ETV1: variants seen among roughly 807,000 people sequenced by gnomAD.
ETV1 encodes the protein ETS variant transcription factor 1.
A neutral mutation model predicts 62.3 loss-of-function variants in ETV1; 27 were observed. The observed-to-expected ratio is 0.43, with a 90% CI of 0.32 to 0.60. ETV1 has a LOEUF of 0.60. ETV1 is among the 20% of genes least tolerant of loss of function. ETV1 has a pLI of 0.06. For synonymous variants in ETV1, 222 were observed against 199.6 expected (o/e 1.11, Z -0.94); for missense variants, 605 against 605.8 (o/e 1.00, Z 0.01).
rs1781611771 is a variant in ETV1 at position 13,894,580 on chromosome 7, A to G, written c.*1286T>C. The G allele has an allele frequency of 4.3e-6, 1 of 232,484 alleles. No homozygotes were observed. Among genetic ancestry groups the G allele is most frequent in the Non-Finnish European group, 8.5e-6 (1 of 117,436 alleles). 14.4% of individuals were successfully genotyped at this position (232,484 alleles called of 1,614,324 possible). A position where few individuals can be genotyped will look rare whatever the true frequency, so the allele number is the denominator to read the frequency against. ...TTTAGCAAGCTGAAGCTTACTCTTC[A>G]TTTGTCAATGTGCATAAAAGCTGCT... On this transcript the variant is annotated 3_prime_UTR_variant, in exon 14 of 14. Coordinates refer to ENST00000430479, the MANE Select transcript of ETV1 (RefSeq NM_004956.5).
chr7:13,983,408 C>T (rs1452760441), intron 5 of ETV1, among the ~76,000 whole-genome samples: 1 of 151,954 alleles, frequency 6.6e-6, no homozygotes, highest in Non-Finnish European at 1.5e-5. Flanking sequence ...TCCATTTTAA[C>T]TATGACTTTC....
intron 9 of ETV1, among the ~76,000 whole-genome samples, chr7:13,914,262 T>C (rs1191873426): frequency 6.6e-6 from 1 of 152,130 alleles, no homozygotes; most frequent in Admixed American, 6.6e-5. Flanking sequence ...TTTTAAAAGT[T>C]TTAAATTAAA....
intron 12 of ETV1, among the ~76,000 whole-genome samples, chr7:13,902,199 A>G (rs536549845): frequency 6.6e-6 from 1 of 152,218 alleles, no homozygotes; most frequent in Admixed American, 6.5e-5. Flanking sequence ...TGTCATATAT[A>G]CTAAAATAGA....
intron 9 of ETV1, among the ~76,000 whole-genome samples, chr7:13,925,455 A>C (rs1417410673): frequency 2.0e-5 from 3 of 152,228 alleles, no homozygotes; most frequent in African/African-American, 7.2e-5. Context: ...AAACCAATAG[A>C]AAGTCATTTA....
At chr7:13,991,224 T>C (rs1583929446), upstream of ETV1, 1 of 152,282 alleles carries the variant, frequency 6.6e-6, no homozygotes, top group South Asian at 2.1e-4. Flanking sequence ...ATGGGTACTA[T>C]CTGAGGGTGC....
At chr7:13,917,288 G>GTATTTATT (rs71548060) in intron 9 of ETV1, among the ~76,000 whole-genome samples, 4,350 of 145,238 alleles carry the variant, frequency 0.03, 79 homozygotes, top group South Asian at 0.053. Flanking sequence ...GTAACTTTGA[G>GTATTTATT]TATTTATTTA....
chr7:13,944,550 G>A (rs778636159), intron 6 of ETV1, among the ~76,000 whole-genome samples: 4 of 152,030 alleles, frequency 2.6e-5, no homozygotes, highest in Non-Finnish European at 5.9e-5. Flanking sequence ...GAATTTGCTG[G>A]GGCGGGGGTG....
At position 13,895,512 on chromosome 7, in the gene ETV1, ATTATC is replaced by A; in HGVS notation, c.*349_*353del. ...CCATAGATACCCCGATAAAATAAAC[ATTATC>A]TTATGTTGTTATGAAATCAAACAGA... On this transcript the variant is annotated 3_prime_UTR_variant, in exon 14 of 14. Transcript: ENST00000430479. 1.4e-5 allele frequency: 4 copies of A among 278,608 alleles called. No individual in the cohort carries two copies. The South Asian group carries it at 4.2e-4, about 30-fold the overall frequency. 17.3% of individuals were successfully genotyped at this position (278,608 alleles called of 1,614,324 possible). A position where few individuals can be genotyped will look rare whatever the true frequency, so the allele number is the denominator to read the frequency against.
intron 6 of ETV1, among the ~76,000 whole-genome samples, chr7:13,965,641 G>A (rs1252518231): frequency 6.6e-6 from 1 of 151,974 alleles, no homozygotes; most frequent in African/African-American, 2.4e-5. Flanking sequence ...ATGTAAAACA[G>A]GAATAATATC....
intron 9 of ETV1, among the ~76,000 whole-genome samples, chr7:13,914,166 T>A (rs972830971): frequency 4.0e-5 from 6 of 151,842 alleles, no homozygotes; most frequent in Admixed American, 3.9e-4. Flanking sequence ...ATTACAGGCA[T>A]GAGTCACCGC....
intron 6 of ETV1, among the ~76,000 whole-genome samples, chr7:13,960,793 A>G (rs959504956): frequency 3.9e-5 from 6 of 152,102 alleles, no homozygotes; most frequent in African/African-American, 1.4e-4. Flanking sequence ...CAATTGATGA[A>G]ACTCAAATTC....
At chr7:13,956,437 C>A (rs528748894) in intron 6 of ETV1, among the ~76,000 whole-genome samples, 11 of 152,214 alleles carry the variant, frequency 7.2e-5, no homozygotes, top group African/African-American at 1.2e-4. Context: ...CCTTCAGGAA[C>A]CAAGCCTTGT....
intron 4 of ETV1, 119 bp from the exon 5 acceptor site, chr7:13,986,804 A>G: frequency 1.3e-6 from 1 of 749,822 alleles, no homozygotes. Context: ...GACGCAGTCA[A>G]CATAAAAATA....
At chr7:13,965,248 C>T (rs893661158) in intron 6 of ETV1, among the ~76,000 whole-genome samples, 2 of 152,190 alleles carry the variant, frequency 1.3e-5, no homozygotes, top group Non-Finnish European at 2.9e-5. Flanking sequence ...ACACTGCAGC[C>T]TAGACAAGGA....
At position 13,895,970 on chromosome 7, in the gene ETV1, C is replaced by A; in HGVS notation, c.1330G>T (p.Glu444Ter). 1 of 1,613,566 alleles carries A rather than the reference C, an allele frequency of 6.2e-7. No homozygotes were observed. The highest frequency in any genetic ancestry group is 8.5e-7 in the Non-Finnish European group (1 of 1,179,764). The stretch of plus-strand genomic sequence containing the variant: ...TGAGAAAGAGGCACTGTGTCCTCCT[C>A]GTTGATGTGACGTTCCATGTCTGTC... The part of the protein sequence containing the change: ...LKTDMERHIN[E>*]EDTVPLSHFD... The change falls in exon 14 of 14, where the codon GAG becomes TAG. Residue 444 changes from glutamate (E) to a stop codon, truncating the protein, a stop_gained. Transcript: ENST00000430479. LOFTEE classifies it high-confidence loss of function.
At chr7:13,907,720 A>G (rs997278526) in intron 11 of ETV1, 71 of 371,468 alleles carry the variant, frequency 1.9e-4, no homozygotes, top group African/African-American at 1.3e-3. Context: ...CAGACAAAAT[A>G]TATCTAAGCC....
intron 6 of ETV1, among the ~76,000 whole-genome samples, chr7:13,963,943 T>C (rs1562689033): frequency 6.6e-6 from 1 of 152,082 alleles, no homozygotes; most frequent in Non-Finnish European, 1.5e-5. Context: ...TGAATGAAAA[T>C]AGAGCTTTCA....
At chr7:13,915,340 ATG>A (rs765845077) in intron 9 of ETV1, among the ~76,000 whole-genome samples, 1 of 152,354 alleles carries the variant, frequency 6.6e-6, no homozygotes, top group Non-Finnish European at 1.5e-5. Context: ...TCAGTAAAAA[ATG>A]TGTGTATCAA....
chr7:13,947,570 C>T (rs901598887), intron 6 of ETV1, among the ~76,000 whole-genome samples: 1 of 152,138 alleles, frequency 6.6e-6, no homozygotes, highest in African/African-American at 2.4e-5. Flanking sequence ...AAAGATCTAA[C>T]ACTAAGTCAT....
Sources: allele counts gnomAD v4.1 joint callset (sites outside exome capture counted in the v4.1 genomes callset), GRCh38; gene constraint gnomAD v4.1.1; transcripts MANE v1.5; gene names NCBI Gene and HGNC (gene_info 2026-07-23, HGNC 2026-07-21).